The following KIF17 variants were observed in gnomAD, a reference collection of about 807,000 sequenced individuals.
KIF17 encodes the protein kinesin family member 17.
In KIF17, 80 loss-of-function variants were observed where a neutral mutation model predicts 96.8. The ratio of observed to expected loss-of-function variants is 0.83; its 90% CI spans 0.69 to 1.00. The LOEUF is 1.00. Ranked by LOEUF, KIF17 falls within the 50% of genes least tolerant of loss-of-function variation. The pLI is 0.00. For synonymous variants in KIF17, 567 were observed against 587.5 expected, an observed-to-expected ratio of 0.97 and a Z score of 0.51; for missense variants, 1,280 against 1,372.9, an observed-to-expected ratio of 0.93 and a Z score of 1.07.
intron 6 of KIF17, among the ~76,000 whole-genome samples, chr1:20,696,543 C>CA (rs2054142632): frequency 6.6e-6 from 1 of 152,032 alleles, no homozygotes; most frequent in Non-Finnish European, 1.5e-5. Context: ...AAGGCACCCC[C>CA]ATCCGTGGCA....
In KIF17 at chr1:20,666,317, G is replaced by A. The variant is rs557582482; in HGVS notation, c.2805C>T (p.Tyr935=). 6 of 1,613,828 alleles carry A rather than the reference G, an allele frequency of 3.7e-6. No individual in the cohort carries two copies. The African/African-American group carries it at 4.0e-5, about 11-fold the overall frequency. ...NGEPNMEDDR[Y]RLMLSRSNSE... The stretch of plus-strand genomic sequence containing the variant: ...TGTTGCTCCGACTGAGCATGAGCCT[G>A]TAGCGGTCGTCCTCCTGCCGAGATG... Residue 935 remains tyrosine, a synonymous_variant, in exon 14 of 15, where the codon TAC becomes TAT. Transcript: ENST00000400463.
chr1:20,670,528 G>A (rs766451040), intron 12 of KIF17, 40 bp from the exon 13 acceptor site: 8 of 1,600,200 alleles, frequency 5.0e-6, no homozygotes, highest in Middle Eastern at 1.6e-4. Flanking sequence ...CTGCTGCCTG[G>A]TGCAAGGCCT....
chr1:20,713,301 A>C (rs2054514158), intron 3 of KIF17, among the ~76,000 whole-genome samples, 153 bp downstream of exon 3: 1 of 150,296 alleles, frequency 6.7e-6, no homozygotes, highest in Non-Finnish European at 1.5e-5. Context: ...TGCCTAAAAA[A>C]GTTTTTTTTA....
chr1:20,707,092 CCT>C (rs1050470748), intron 4 of KIF17, among the ~76,000 whole-genome samples: 2 of 151,912 alleles, frequency 1.3e-5, no homozygotes, highest in Non-Finnish European at 2.9e-5. Flanking sequence ...TGAGACTCTG[CCT>C]CTCAAAAAAG....
chr1:20,670,481 A>G lies in KIF17; in HGVS notation c.2730T>C (p.Thr910=). 1.9e-6 allele frequency: 3 copies of G among 1,614,070 alleles called. No homozygotes were observed. The highest frequency in any genetic ancestry group is 2.5e-6 in the Non-Finnish European group (3 of 1,180,018). ...TGCGGGCTGGTTTGTTCTGTGGCCC[A>G]GTTGAAACTGCTATGAGAAAACAAA... The part of the protein sequence containing the change: ...ITKTSLPVVS[T]GPQNKPARKT... The change falls in exon 13 of 15, where the codon ACT becomes ACC. Residue 910 remains threonine, a synonymous_variant. Coordinates refer to ENST00000400463, the MANE Select transcript of KIF17 (RefSeq NM_001122819.3).
At chr1:20,696,552 C>A (rs2054143073) in intron 6 of KIF17, among the ~76,000 whole-genome samples, 1 of 152,034 alleles carries the variant, frequency 6.6e-6, no homozygotes, top group Admixed American at 6.5e-5. Context: ...CCATCCGTGG[C>A]ACTCCAGGGA....
chr1:20,696,980 G>A (rs2054153206), intron 6 of KIF17, among the ~76,000 whole-genome samples: 1 of 152,244 alleles, frequency 6.6e-6, no homozygotes, highest in African/African-American at 2.4e-5. Context: ...AGAGCCTGCA[G>A]GGGCGGACGG....
intron 11 of KIF17, among the ~76,000 whole-genome samples, chr1:20,678,966 T>C (rs1459008781): frequency 6.9e-6 from 1 of 145,950 alleles, no homozygotes; most frequent in African/African-American, 2.5e-5. Flanking sequence ...TTTTGCCCCC[T>C]GTTTTTGTGC....
At chr1:20,696,291 C>A (rs1240983300) in intron 6 of KIF17, among the ~76,000 whole-genome samples, 2 of 152,052 alleles carry the variant, frequency 1.3e-5, no homozygotes, top group East Asian at 3.9e-4. Flanking sequence ...AGGAGCATAG[C>A]AGGTGCTCAA....
At chr1:20,684,784 G>T in intron 10 of KIF17, 25 bp downstream of exon 10, 1 of 1,551,302 alleles carries the variant, frequency 6.4e-7, no homozygotes. Flanking sequence ...GTGGGGTCCC[G>T]CCAGCCCCAT....
Position 20,690,441 on chromosome 1 carries a change from G to A in KIF17, c.1234-106C>T, listed in dbSNP as rs1031971079. The A allele has an allele frequency of 3.7e-6, 4 of 1,073,494 alleles. No individual in the cohort carries two copies. The African/African-American group carries it at 6.3e-5, about 17-fold the overall frequency. 66.5% of individuals were successfully genotyped at this position (1,073,494 alleles called of 1,614,324 possible). On this transcript the variant is annotated intron_variant, in intron 6 of 14. Coordinates refer to ENST00000400463, the MANE Select transcript of KIF17 (RefSeq NM_001122819.3). ...TATTCAAACAATACAGAACCTATAA[G>A]TAAGCCAAGAGAATCCAATGGTACA...
rs775659554 is a variant in KIF17, at chr1:20,687,642, C to G, written c.1684G>C (p.Val562Leu). 17 of 1,614,036 alleles carry G rather than the reference C, an allele frequency of 1.1e-5. No individual in the cohort carries two copies. Among genetic ancestry groups the G allele is most frequent in the Non-Finnish European group, 1.4e-5 (17 of 1,180,026 alleles). ...TCCTCAGTGGGCATGGAGACCTCCACGTTGGAGGGCTCCTCAGGCCCAGGG... is the reference window on the plus strand; with the variant it reads ...TCCTCAGTGGGCATGGAGACCTCCAGGTTGGAGGGCTCCTCAGGCCCAGGG... ...AFPGPEEPSN[V>L]EVSMPTEESR... The change falls in exon 8 of 15, where the codon GTG becomes CTG. Residue 562 changes from valine (V) to leucine (L), a missense_variant. Coordinates refer to ENST00000400463, the MANE Select transcript of KIF17 (RefSeq NM_001122819.3). The surrounding 1 kb of genome is among the most constrained non-coding windows in gnomAD (Gnocchi z 4.4).
intron 4 of KIF17, among the ~76,000 whole-genome samples, chr1:20,705,893 C>CTTTTTTTTTTTT (rs747719983): frequency 1.9e-5 from 1 of 53,560 alleles, no homozygotes; most frequent in South Asian, 7.7e-4. Context: ...TAGGATGTCT[C>CTTTTTTTTTTTT]TTTTTTTTTT....
In KIF17 at chr1:20,704,693, T is replaced by C. The variant is rs762755460; in HGVS notation, c.877A>G (p.Thr293Ala). The change falls in exon 5 of 15, where the codon ACG (threonine) becomes GCG (alanine). Residue 293 changes from threonine (T) to alanine (A), a missense_variant. Transcript: ENST00000400463. This position sits in a 1 kb window ranked among gnomAD's most constrained non-coding sequence, Gnocchi z 6.8. ...CCCAGTGAGTCCTGCAGCAGCCGCG[T>C]CAGCTTCGAGTCACGGTAGGGGACG... The part of the protein sequence containing the change: ...KHVPYRDSKL[T>A]RLLQDSLGGN... 6.2e-7 allele frequency: 1 copy of C among 1,614,076 alleles called. No homozygotes were observed.
chr1:20,662,371 G>C (rs944994285), downstream of KIF17, among the ~76,000 whole-genome samples: 1 of 152,170 alleles, frequency 6.6e-6, no homozygotes, highest in South Asian at 2.1e-4. Context: ...ACAATCCTGA[G>C]GCCAATGGTG....
At chr1:20,665,875 G>C (rs946378174) in intron 14 of KIF17, among the ~76,000 whole-genome samples, 2 of 152,142 alleles carry the variant, frequency 1.3e-5, no homozygotes, top group Non-Finnish European at 2.9e-5. Context: ...CGTGTGACTC[G>C]CCAGGAAGCT....
At chr1:20,697,374 G>C (rs1420741746) in intron 6 of KIF17, among the ~76,000 whole-genome samples, 1 of 152,202 alleles carries the variant, frequency 6.6e-6, no homozygotes, top group Non-Finnish European at 1.5e-5. Context: ...TTGGGAGGTT[G>C]AGGTGGGAGG....
Position 20,664,596 on chromosome 1 carries a change from A to G in KIF17, c.3075T>C (p.Ser1025=), listed in dbSNP as rs2053491523. ...KRKKSKSNFG[S]EPL is the part of the protein sequence containing the mutation. Reference sequence around the variant, plus strand: ...CAAGCAGCTGTGCTCACAGAGGCTCACTGCCAAAGTTGCTTTTGCTTTTCT... The same window carrying G: ...CAAGCAGCTGTGCTCACAGAGGCTCGCTGCCAAAGTTGCTTTTGCTTTTCT... Residue 1025 remains serine (S), a synonymous_variant, in exon 15 of 15, where the codon AGT becomes AGC. Coordinates refer to ENST00000400463, the MANE Select transcript of KIF17 (RefSeq NM_001122819.3). The G allele has an allele frequency of 1.2e-6, 2 of 1,611,338 alleles. No individual in the cohort carries two copies. The highest frequency in any genetic ancestry group is 1.7e-6 in the Non-Finnish European group (2 of 1,178,516).
chr1:20,706,453 TG>T (rs1482494371), intron 4 of KIF17, among the ~76,000 whole-genome samples: 1 of 151,416 alleles, frequency 6.6e-6, no homozygotes, highest in Non-Finnish European at 1.5e-5. Flanking sequence ...TAGCCGGGCG[TG>T]GTGGCACATG....
Sources: allele counts gnomAD v4.1 joint callset (sites outside exome capture counted in the v4.1 genomes callset), GRCh38; gene constraint gnomAD v4.1.1; non-coding constraint Gnocchi (gnomAD v3.1); transcripts MANE v1.5; gene names NCBI Gene and HGNC (gene_info 2026-07-23, HGNC 2026-07-21).